The following ARAP1 variants were observed in gnomAD, a reference collection of about 807,000 sequenced individuals.
ARAP1 encodes arf-GAP with Rho-GAP domain, ANK repeat and PH domain-containing protein 1.
In ARAP1, 76 loss-of-function variants were observed where a neutral mutation model predicts 172.2. That is an observed-to-expected ratio of 0.44 (90% CI 0.37 to 0.53). The LOEUF is 0.53. Ranked by LOEUF, ARAP1 falls within the 20% of genes least tolerant of loss-of-function variation. ARAP1 has a pLI of 0.00. For synonymous variants in ARAP1, 804 were observed against 803.3 expected, an observed-to-expected ratio of 1.00 and a Z score of -0.01; for missense variants, 1,686 against 1,977.5, an observed-to-expected ratio of 0.85 and a Z score of 2.80.
Position 72,697,920 on chromosome 11 carries a change from G to C in ARAP1, c.2728C>G (p.Gln910Glu). The change falls in exon 19 of 35, where the codon CAG becomes GAG. Residue 910 changes from glutamine (Q) to glutamate (E), a missense_variant. By Grantham distance (29) the Gln-to-Glu change is conservative. Transcript: ENST00000393609. The part of the protein sequence containing the change: ...CEEPLQLRKL[Q>E]ELSIQGDSEN... ...GGTCTGGTCCACGCACAAAGCTCCTGCAGTTTCCGTAGTTGCAGCGGCTCT... is the reference window on the plus strand; with the variant it reads ...GGTCTGGTCCACGCACAAAGCTCCTCCAGTTTCCGTAGTTGCAGCGGCTCT... 1 of 1,602,354 alleles carries C rather than the reference G, an allele frequency of 6.2e-7. No individual in the cohort carries two copies. The highest frequency in any genetic ancestry group is 8.5e-7 in the Non-Finnish European group (1 of 1,173,534).
At chr11:72,729,985 A>G (rs1857810357) in intron 2 of ARAP1, among the ~76,000 whole-genome samples, 1 of 152,126 alleles carries the variant, frequency 6.6e-6, no homozygotes, top group Non-Finnish European at 1.5e-5. Context: ...AAACAAGTCC[A>G]GAAGGCACAC....
chr11:72,721,355 C>G (rs1292384414), intron 3 of ARAP1, among the ~76,000 whole-genome samples: 1 of 152,230 alleles, frequency 6.6e-6, no homozygotes, highest in Non-Finnish European at 1.5e-5. Flanking sequence ...CCCCATCACC[C>G]TGGTCTGGGG....
intron 13 of ARAP1, chr11:72,705,020 C>T (rs779192954): frequency 2.0e-5 from 3 of 152,404 alleles, no homozygotes; most frequent in Non-Finnish European, 4.4e-5. Flanking sequence ...ATCCTAACTC[C>T]TGGCTTGTTC....
chr11:72,720,021 T>C (rs2135560235), intron 3 of ARAP1, among the ~76,000 whole-genome samples: 1 of 152,246 alleles, frequency 6.6e-6, no homozygotes, highest in South Asian at 2.1e-4. Context: ...AATATGGTCA[T>C]ATCAATGTGT....
Position 72,688,936 on chromosome 11 carries a change from C to T in ARAP1, c.3988-399G>A, listed in dbSNP as rs116041395. ...TCCCCCAGCACCAAACTGGAACGAG[C>T]GGGTGTGATCAGAGAGCCTCGGTTG... On this transcript the variant is annotated intron_variant, in intron 30 of 34. Transcript: ENST00000393609. 7.2e-3 allele frequency: 1,316 copies of T among 183,386 alleles called. 16 individuals are homozygous for T. The highest frequency in any genetic ancestry group is 0.03 in the African/African-American group (1,246 of 42,172). 11.4% of individuals were successfully genotyped at this position (183,386 alleles called of 1,614,324 possible). A position where few individuals can be genotyped will look rare whatever the true frequency, so the allele number is the denominator to read the frequency against.
At chr11:72,736,070 C>T (rs528345763) in intron 1 of ARAP1, among the ~76,000 whole-genome samples, 1 of 152,202 alleles carries the variant, frequency 6.6e-6, no homozygotes, top group African/African-American at 2.4e-5. Flanking sequence ...GAGGCAAAGA[C>T]AGAATCATCA....
chr11:72,744,450 T>C (rs1380488630), intron 1 of ARAP1, among the ~76,000 whole-genome samples: 1 of 152,150 alleles, frequency 6.6e-6, no homozygotes, highest in Non-Finnish European at 1.5e-5. Flanking sequence ...TCTACTATAG[T>C]TCTACTACCC....
intron 22 of ARAP1, 101 bp downstream of exon 22, chr11:72,696,882 G>T: frequency 7.9e-7 from 1 of 1,265,914 alleles, no homozygotes; most frequent in Non-Finnish European, 1.1e-6. Context: ...TGGAGCCTGT[G>T]GGTTAGGGTA....
intron 13 of ARAP1, chr11:72,704,604 G>A: frequency 2.4e-6 from 1 of 420,856 alleles, no homozygotes; most frequent in South Asian, 3.7e-5. Context: ...CTTGCACCTG[G>A]TCCCAGGGGC....
chr11:72,697,255 G>T, intron 21 of ARAP1, 60 bp from the exon 22 acceptor site: 2 of 1,585,998 alleles, frequency 1.3e-6, no homozygotes. Context: ...GGGCGGGGCC[G>T]CGCAGCTCTG....
chr11:72,704,825 C>G (rs548816904), intron 13 of ARAP1: 1 of 159,592 alleles, frequency 6.3e-6, no homozygotes, highest in African/African-American at 2.4e-5. Context: ...TTCCTTCATT[C>G]GGCTCCTCAT....
chr11:72,707,364 C>T lies in ARAP1; in HGVS notation c.1534G>A (p.Asp512Asn). Residue 512 changes from aspartate (D) to asparagine (N), a missense_variant, in exon 12 of 35, where the codon GAC becomes AAC. Physicochemically the swap from Asp to Asn is conservative, Grantham distance 23. Coordinates refer to ENST00000393609, the MANE Select transcript of ARAP1 (RefSeq NM_001040118.3). Reference sequence around the variant, plus strand: ...CACTGCTCCTTCTCTAGCTCTGAGTCAGCAGAGAAGCTGGGGACATAGGGG... The same window carrying T: ...CACTGCTCCTTCTCTAGCTCTGAGTTAGCAGAGAAGCTGGGGACATAGGGG... ...TPYRIFSFSA[D>N]SELEKEQWLE... The T allele has an allele frequency of 1.2e-6, 2 of 1,611,908 alleles. No homozygotes were observed. Among genetic ancestry groups the T allele is most frequent in the South Asian group, 2.2e-5 (2 of 90,718 alleles).
chr11:72,698,585 G>T lies in ARAP1; in HGVS notation c.2541+420C>A, dbSNP rs183481843. 9.0e-4 allele frequency among the ~76,000 whole-genome samples: 137 copies of T among 152,256 alleles called. 3 individuals are homozygous for T. The highest frequency in any genetic ancestry group is 8.8e-3 in the Admixed American group (135 of 15,296). ...AAAAGTCACAGGCTCTCACAGCACA[G>T]GGGACCCCACAGGCACCTGGCTCTA... On this transcript the variant is annotated intron_variant, in intron 18 of 34. Coordinates refer to ENST00000393609, the MANE Select transcript of ARAP1 (RefSeq NM_001040118.3).
At chr11:72,694,011 T>A (rs557694624) in intron 27 of ARAP1, among the ~76,000 whole-genome samples, 2 of 152,064 alleles carry the variant, frequency 1.3e-5, no homozygotes, top group Admixed American at 1.3e-4. Flanking sequence ...GCTGCTCAAA[T>A]TCAACATGTG....
chr11:72,740,836 C>T (rs1858174142), intron 1 of ARAP1, among the ~76,000 whole-genome samples: 1 of 152,134 alleles, frequency 6.6e-6, no homozygotes, highest in South Asian at 2.1e-4. Context: ...GAGGTTTGTC[C>T]TCAAGACACC....
chr11:72,742,530 A>G (rs1858232105), intron 1 of ARAP1, among the ~76,000 whole-genome samples: 1 of 152,048 alleles, frequency 6.6e-6, no homozygotes, highest in Admixed American at 6.6e-5. Flanking sequence ...GGAGAAGGGG[A>G]GGTTAAGTGA....
rs1172661332 is a variant in ARAP1 at position 72,695,646 on chromosome 11, G to GCA, written c.3421-20_3421-19dup. 2 of 1,614,062 alleles carry GCA rather than the reference G, an allele frequency of 1.2e-6. No homozygotes were observed. The highest frequency in any genetic ancestry group is 1.7e-6 in the Non-Finnish European group (2 of 1,179,996). The stretch of plus-strand genomic sequence containing the variant: ...TCATCCACCTGGGAAGGGGCGAGAG[G>GCA]CAGGGACAGGTGGTCACCGTCATCT... On this transcript the variant is annotated intron_variant, in intron 24 of 34. Coordinates refer to ENST00000393609, the MANE Select transcript of ARAP1 (RefSeq NM_001040118.3). The surrounding 1 kb of genome is among the most constrained non-coding windows in gnomAD (Gnocchi z 4.4).
At chr11:72,722,192 A>G (rs1478954550) in intron 3 of ARAP1, 5 of 985,496 alleles carry the variant, frequency 5.1e-6, no homozygotes, top group Non-Finnish European at 6.0e-6. Context: ...GGAGAGAGAG[A>G]GAGAGTGTGT....
chr11:72,698,004 C>A lies in ARAP1; in HGVS notation c.2644G>T (p.Gly882Cys). ...AGLSLQRAQE[G>C]WFSLSGSELR... Reference sequence around the variant, plus strand: ...TCCGAGCCACTGAGAGAGAACCAGCCCTCCTGGGCCCGCTGTAGGCTCAGG... The same window carrying A: ...TCCGAGCCACTGAGAGAGAACCAGCACTCCTGGGCCCGCTGTAGGCTCAGG... Residue 882 changes from glycine (G) to cysteine (C), a missense_variant, in exon 19 of 35, where the codon GGC becomes TGC. Transcript: ENST00000393609. 1 of 1,611,740 alleles carries A rather than the reference C, an allele frequency of 6.2e-7. No individual in the cohort carries two copies. Among genetic ancestry groups the A allele is most frequent in the African/African-American group, 1.3e-5 (1 of 75,036 alleles).
Sources: allele counts gnomAD v4.1 joint callset (sites outside exome capture counted in the v4.1 genomes callset), GRCh38; gene constraint gnomAD v4.1.1; non-coding constraint Gnocchi (gnomAD v3.1); transcripts MANE v1.5; gene names NCBI Gene and HGNC (gene_info 2026-07-23, HGNC 2026-07-21).